The following FYB2 variants were observed in gnomAD, a reference collection of about 807,000 sequenced individuals.
FYB2 encodes FYN binding protein 2.
A neutral mutation model predicts 94.1 loss-of-function variants in FYB2; 103 were observed. That is an observed-to-expected ratio of 1.09 (90% confidence interval 0.93 to 1.29). FYB2 has a LOEUF of 1.29. Among genes scored for constraint, FYB2 ranks in the 50% most tolerant of loss-of-function variants. FYB2 has a pLI of 0.00. For missense variants in FYB2, 896 were observed against 841.5 expected (o/e 1.06, Z -0.80); for synonymous variants, 293 against 287.9 (o/e 1.02, Z -0.18).
At chr1:56,721,603 C>T (rs1644487040) in intron 17 of FYB2, among the ~76,000 whole-genome samples, 1 of 149,908 alleles carries the variant, frequency 6.7e-6, no homozygotes, top group African/African-American at 2.5e-5. Flanking sequence ...CTCCTTATTG[C>T]TTTCAAGATG....
Position 56,740,723 on chromosome 1 carries a change from C to T in FYB2, c.1677G>A (p.Lys559=), listed in dbSNP as rs766003038. The T allele has an allele frequency of 6.2e-7, 1 of 1,604,914 alleles. No individual in the cohort carries two copies. Among genetic ancestry groups the T allele is most frequent in the Non-Finnish European group, 8.5e-7 (1 of 1,174,890 alleles). Residue 559 remains lysine (K), a synonymous_variant, in exon 13 of 20, where the codon AAG becomes AAA. Coordinates refer to ENST00000343433, the MANE Select transcript of FYB2 (RefSeq NM_001004303.5). ...FKKEKDRFKI[K]KTKSKENLSA... is the part of the protein sequence containing the mutation. ...TTAAGTTTTCTTTCGACTTGGTTTT[C>T]TTTATTTTAAATCTATCCTTTTCTT...
intron 1 of FYB2, among the ~76,000 whole-genome samples, chr1:56,817,725 T>C (rs1285730258): frequency 1.3e-5 from 2 of 152,138 alleles, no homozygotes; most frequent in Non-Finnish European, 2.9e-5. Context: ...CTCTCTTGAT[T>C]TTTTTCTCTC....
At chr1:56,810,287 G>A (rs12133173) in intron 1 of FYB2, among the ~76,000 whole-genome samples, 22,359 of 151,934 alleles carry the variant, frequency 0.15, 1,859 homozygotes, top group African/African-American at 0.19. Context: ...CTGCACTCAC[G>A]GACATGAACT....
At chr1:56,808,121 C>G (rs1168104141) in intron 1 of FYB2, among the ~76,000 whole-genome samples, 4 of 152,240 alleles carry the variant, frequency 2.6e-5, no homozygotes, top group South Asian at 2.1e-4. Context: ...GGGTTAGGCC[C>G]TTTTCATACA....
At chr1:56,756,338 A>G (rs1214749953) in intron 6 of FYB2, among the ~76,000 whole-genome samples, 1 of 152,120 alleles carries the variant, frequency 6.6e-6, no homozygotes, top group Non-Finnish European at 1.5e-5. Context: ...TTACTCGCTG[A>G]TCATGTGCCC....
At chr1:56,754,352 C>T (rs1645275488) in intron 7 of FYB2, among the ~76,000 whole-genome samples, 1 of 152,114 alleles carries the variant, frequency 6.6e-6, no homozygotes, top group African/African-American at 2.4e-5. Flanking sequence ...ATGCCTTCCA[C>T]ATCTTATACT....
At chr1:56,792,884 C>T (rs1646306915) in intron 1 of FYB2, 81 bp from the exon 2 acceptor site, 23 of 1,421,366 alleles carry the variant, frequency 1.6e-5, no homozygotes, top group Non-Finnish European at 2.2e-5. Context: ...TCTCATTATT[C>T]CAAGAAAAAA....
chr1:56,793,013 G>A (rs1011760484), intron 1 of FYB2, among the ~76,000 whole-genome samples: 7 of 152,054 alleles, frequency 4.6e-5, no homozygotes, highest in African/African-American at 1.7e-4. Context: ...GAGATACAAT[G>A]AAAACACTAT....
In FYB2 at chr1:56,744,032, T is replaced by C; in HGVS notation, c.1537A>G (p.Ser513Gly). 6.2e-7 allele frequency: 1 copy of C among 1,612,340 alleles called. No homozygotes were observed. The highest frequency in any genetic ancestry group is 8.5e-7 in the Non-Finnish European group (1 of 1,179,184). The change falls in exon 11 of 20, where the codon AGT becomes GGT. Residue 513 changes from serine to glycine, a missense_variant. Physicochemically the swap from Ser to Gly is moderately conservative, Grantham distance 56 (BLOSUM62 0). Transcript: ENST00000343433. ...AATGTCTTCCTATACTTACCACTAC[T>C]TGAGGCAAGTGAGCTAGAGTAGTTC... is the stretch of plus-strand genomic sequence containing the variant. The part of the protein sequence containing the change: ...KLNYSSSLAS[S>G]SEENRELYED...
At chr1:56,815,391 C>T (rs1646860811) in intron 1 of FYB2, among the ~76,000 whole-genome samples, 1 of 152,184 alleles carries the variant, frequency 6.6e-6, no homozygotes, top group Non-Finnish European at 1.5e-5. Context: ...CTCCATCAAT[C>T]TACTTTTCAT....
intron 15 of FYB2, among the ~76,000 whole-genome samples, chr1:56,728,674 A>G (rs1644637528): frequency 6.6e-6 from 1 of 152,128 alleles, no homozygotes; most frequent in African/African-American, 2.4e-5. Flanking sequence ...TTTTCTTCTT[A>G]AATTATCACC....
At chr1:56,803,806 A>G (rs1646575267) in intron 1 of FYB2, among the ~76,000 whole-genome samples, 1 of 152,162 alleles carries the variant, frequency 6.6e-6, no homozygotes, top group South Asian at 2.1e-4. Context: ...TTCACCTGCC[A>G]TCTGGCATGT....
At position 56,819,357 on chromosome 1, in the gene FYB2, A is replaced by G; in HGVS notation, c.-67T>C. The stretch of plus-strand genomic sequence containing the variant: ...CTCAGAGCTGGGTCCTGGGGCCAAC[A>G]ATCCGCTTTCCTCTGTCTCTGCTAG... On this transcript the variant is annotated 5_prime_UTR_variant, in exon 1 of 20. Coordinates refer to ENST00000343433, the MANE Select transcript of FYB2 (RefSeq NM_001004303.5). The G allele has an allele frequency of 6.2e-7, 1 of 1,602,342 alleles. No homozygotes were observed. The highest frequency in any genetic ancestry group is 1.1e-5 in the South Asian group (1 of 90,826).
intron 1 of FYB2, among the ~76,000 whole-genome samples, chr1:56,794,732 C>T (rs2100991391): frequency 6.6e-6 from 1 of 152,134 alleles, no homozygotes; most frequent in South Asian, 2.1e-4. Context: ...TTAATTTAAC[C>T]ACACTTTCTC....
intron 15 of FYB2, among the ~76,000 whole-genome samples, chr1:56,730,705 C>A (rs60459258): frequency 0.11 from 16,813 of 151,970 alleles, 1,056 homozygotes; most frequent in African/African-American, 0.17. Flanking sequence ...TTCTACTGAA[C>A]CTTTAAAAAA....
chr1:56,795,929 T>G (rs778853497), intron 1 of FYB2, among the ~76,000 whole-genome samples: 6 of 152,216 alleles, frequency 3.9e-5, no homozygotes, highest in Non-Finnish European at 8.8e-5. Flanking sequence ...TCAACGCATG[T>G]TCATTAAGTA....
chr1:56,819,519 C>T (rs1646963428), upstream of FYB2: 2 of 612,002 alleles, frequency 3.3e-6, no homozygotes, highest in East Asian at 5.5e-5. Flanking sequence ...AGACCAGCAC[C>T]TGCAGGGGAC....
At chr1:56,732,857 TG>T (rs1196681546) in intron 15 of FYB2, among the ~76,000 whole-genome samples, 4 of 135,276 alleles carry the variant, frequency 3.0e-5, no homozygotes, top group African/African-American at 1.1e-4. Context: ...AGACTTAAAA[TG>T]TAAGGCCCAA....
Position 56,792,098 on chromosome 1 carries a change from AG to A in FYB2, c.714del (p.Cys239AlafsTer50), listed in dbSNP as rs1282050967. On this transcript the variant is annotated frameshift_variant, in exon 2 of 20. Coordinates refer to ENST00000343433, the MANE Select transcript of FYB2 (RefSeq NM_001004303.5). LOFTEE classifies it high-confidence loss of function. Reference sequence around the variant, plus strand: ...AGCTCACACTCATAGATGGGCTGGCAGGGGCTGCTTGCCGGGCTCCTCTCAG... The same window carrying A: ...AGCTCACACTCATAGATGGGCTGGCAGGGCTGCTTGCCGGGCTCCTCTCAG... ...PPPERSPASS[P>X]CQPIYECELA... 6.2e-7 allele frequency: 1 copy of A among 1,609,072 alleles called. No homozygotes were observed. The highest frequency in any genetic ancestry group is 8.5e-7 in the Non-Finnish European group (1 of 1,178,256).
Sources: gnomAD v4.1 joint callset for allele counts (sites outside exome capture counted in the v4.1 genomes callset) on GRCh38, gnomAD v4.1.1 for gene constraint, MANE v1.5 for transcripts, NCBI Gene and HGNC (gene_info 2026-07-23, HGNC 2026-07-21) for gene names.